Variants in MYOM1 observed in about 807,000 individuals in gnomAD.
MYOM1 encodes myomesin-1.
A neutral mutation model predicts 205.3 loss-of-function variants in MYOM1; 164 were observed. That is an observed-to-expected ratio of 0.80 (90% CI 0.70 to 0.91). The LOEUF is 0.91. MYOM1 is among the 40% of genes least tolerant of loss of function. The pLI is 0.00. For synonymous variants in MYOM1, 772 were observed against 789.4 expected, an observed-to-expected ratio of 0.98 and a Z score of 0.37; for missense variants, 2,011 against 2,127.3, an observed-to-expected ratio of 0.95 and a Z score of 1.08.
intron 21 of MYOM1, among the ~76,000 whole-genome samples, chr18:3,114,402 G>C (rs1372774807): frequency 6.6e-6 from 1 of 151,004 alleles, no homozygotes; most frequent in Non-Finnish European, 1.5e-5. Context: ...TTTCGAGACA[G>C]AGTCTCGTTC....
intron 5 of MYOM1, among the ~76,000 whole-genome samples, chr18:3,185,318 T>G (rs1324413494): frequency 6.6e-6 from 1 of 152,246 alleles, no homozygotes; most frequent in East Asian, 1.9e-4. Flanking sequence ...AGAAGCTACT[T>G]TGTATCCTTT....
intron 22 of MYOM1, among the ~76,000 whole-genome samples, chr18:3,108,244 G>A (rs1165038819): frequency 2.0e-5 from 3 of 152,210 alleles, no homozygotes; most frequent in Admixed American, 2.0e-4. Context: ...TGCAGTCGCA[G>A]TGGATTGATT....
chr18:3,202,191 A>G lies in MYOM1; in HGVS notation c.291-8233T>C, dbSNP rs147026914. ...AAGGCAATCCCTAGGAAAATAGCTC[A>G]AAGAATATAGTCAAGAAACAAAAGA... On this transcript the variant is annotated intron_variant, in intron 2 of 37. Transcript: ENST00000356443. Among the ~76,000 whole-genome samples, 961 of 152,308 alleles carry G rather than the reference A, an allele frequency of 6.3e-3. 10 individuals carry two copies. The highest frequency in any genetic ancestry group is 0.022 in the African/African-American group (924 of 41,560).
chr18:3,202,871 A>T (rs1598767935), intron 2 of MYOM1, among the ~76,000 whole-genome samples: 1 of 152,068 alleles, frequency 6.6e-6, no homozygotes, highest in East Asian at 1.9e-4. Flanking sequence ...TCTTTTCAAC[A>T]TTCTCAAGGA....
intron 23 of MYOM1, 140 bp from the exon 24 acceptor site, chr18:3,100,566 G>A: frequency 1.5e-6 from 1 of 653,300 alleles, no homozygotes; most frequent in Non-Finnish European, 2.7e-6. Context: ...CAGCCTACAT[G>A]TTCTTGGTGT....
intron 2 of MYOM1, among the ~76,000 whole-genome samples, chr18:3,206,880 A>G (rs2081129577): frequency 1.3e-5 from 2 of 152,188 alleles, no homozygotes; most frequent in South Asian, 4.1e-4. Flanking sequence ...GTAGCGTCAT[A>G]ATAAATATTA....
At position 3,185,358 on chromosome 18, in the gene MYOM1, A is replaced by G. The variant is rs532860813; in HGVS notation, c.929+2122T>C. Reference sequence around the variant, plus strand: ...AATCATCTTAAATTCTAATTTTTTTAAAGTGGGAAAACACAGATAGGAAAC... The same window carrying G: ...AATCATCTTAAATTCTAATTTTTTTGAAGTGGGAAAACACAGATAGGAAAC... On this transcript the variant is annotated intron_variant, in intron 5 of 37. Transcript: ENST00000356443. 5.3e-5 allele frequency among the ~76,000 whole-genome samples: 8 copies of G among 152,350 alleles called. No homozygotes were observed. The South Asian group carries it at 1.7e-3, about 32-fold the overall frequency.
chr18:3,111,791 C>G (rs868611059), intron 22 of MYOM1, among the ~76,000 whole-genome samples: 1 of 152,154 alleles, frequency 6.6e-6, no homozygotes, highest in African/African-American at 2.4e-5. Flanking sequence ...GAAGTTGTGA[C>G]AGAGACCACA....
intron 22 of MYOM1, among the ~76,000 whole-genome samples, chr18:3,108,131 T>A (rs1041858982): frequency 6.6e-6 from 1 of 152,214 alleles, no homozygotes; most frequent in African/African-American, 2.4e-5. Flanking sequence ...AAAATGCCCT[T>A]ACTCAAAGAA....
intron 12 of MYOM1, 128 bp from the exon 13 acceptor site, chr18:3,149,329 C>G: frequency 1.5e-6 from 1 of 689,124 alleles, no homozygotes; most frequent in Non-Finnish European, 2.5e-6. Context: ...TATGTGTTTT[C>G]CCATGAATGG....
chr18:3,097,476 T>C (rs1320659220), intron 25 of MYOM1, among the ~76,000 whole-genome samples: 6 of 152,178 alleles, frequency 3.9e-5, no homozygotes, highest in Non-Finnish European at 1.5e-5. Context: ...CAGGCTGAAG[T>C]GCAGTGGCAT....
chr18:3,171,006 T>A (rs1184926146), intron 8 of MYOM1, among the ~76,000 whole-genome samples: 1 of 152,226 alleles, frequency 6.6e-6, no homozygotes. Context: ...AAGCATTTAA[T>A]ACCCCATATT....
At chr18:3,193,257 G>A (rs1316852351) in intron 3 of MYOM1, among the ~76,000 whole-genome samples, 2 of 150,864 alleles carry the variant, frequency 1.3e-5, no homozygotes, top group South Asian at 2.1e-4. Flanking sequence ...CTGGGTAACA[G>A]AGTGAGACCC....
chr18:3,113,841 T>G (rs1431419333), intron 21 of MYOM1, among the ~76,000 whole-genome samples: 1 of 152,186 alleles, frequency 6.6e-6, no homozygotes, highest in Non-Finnish European at 1.5e-5. Context: ...AATCAAACAA[T>G]GTTGGAATAA....
At chr18:3,074,065 G>T (rs1472478236) in intron 36 of MYOM1, among the ~76,000 whole-genome samples, 2 of 152,180 alleles carry the variant, frequency 1.3e-5, no homozygotes, top group Non-Finnish European at 2.9e-5. Flanking sequence ...AAGCTCTAAG[G>T]TTGCTTCCAG....
At chr18:3,126,582 A>G in intron 19 of MYOM1, 119 bp downstream of exon 19, 1 of 878,040 alleles carries the variant, frequency 1.1e-6, no homozygotes, top group African/African-American at 1.7e-5. Context: ...CACTGCAGAC[A>G]ATGGACTCTG....
At chr18:3,100,515 A>G in intron 23 of MYOM1, 89 bp from the exon 24 acceptor site, 2 of 875,302 alleles carry the variant, frequency 2.3e-6, no homozygotes, top group South Asian at 2.9e-5. Flanking sequence ...TGTGTATACT[A>G]CTCCTTTCAT....
intron 19 of MYOM1, among the ~76,000 whole-genome samples, chr18:3,125,374 A>T (rs1346219623): frequency 2.6e-5 from 4 of 152,222 alleles, no homozygotes; most frequent in Admixed American, 2.6e-4. Context: ...ATATATTGTG[A>T]TATGACCACA....
At chr18:3,120,519 T>C (rs116212633) in intron 19 of MYOM1, among the ~76,000 whole-genome samples, 2,011 of 152,170 alleles carry the variant, frequency 0.013, 35 homozygotes, top group African/African-American at 0.046. Context: ...TGAGCGGGCT[T>C]GGAAGAGGAA....
Sources: allele counts gnomAD v4.1 joint callset (sites outside exome capture counted in the v4.1 genomes callset), GRCh38; gene constraint gnomAD v4.1.1; transcripts MANE v1.5; gene names NCBI Gene and HGNC (gene_info 2026-07-23, HGNC 2026-07-21).